Variants in ATP10D observed in about 807,000 individuals in gnomAD.
ATP10D encodes the protein phospholipid-transporting ATPase VD.
A neutral mutation model predicts 144.8 loss-of-function variants in ATP10D; 89 were observed. That is an observed-to-expected ratio of 0.61 (90% CI 0.52 to 0.73). ATP10D has a LOEUF of 0.73. Among genes scored for constraint, ATP10D ranks in the 30% least tolerant of loss-of-function variants. The pLI, the probability that ATP10D is intolerant of heterozygous loss-of-function variation, is 0.00. For synonymous variants in ATP10D, 571 were observed against 615.1 expected (o/e 0.93, Z 1.06); for missense variants, 1,603 against 1,714.8 (o/e 0.93, Z 1.15).
At chr4:47,587,282 C>A (rs2351790) in intron 22 of ATP10D, 76 bp downstream of exon 22, 632,744 of 1,342,026 alleles carry the variant, frequency 0.47, 154,430 homozygotes, top group African/African-American at 0.71. Flanking sequence ...TACACTACTA[C>A]GAATGGTTGG....
At chr4:47,529,429 G>A (rs1365969089) in intron 5 of ATP10D, among the ~76,000 whole-genome samples, 1 of 152,098 alleles carries the variant, frequency 6.6e-6, no homozygotes, top group Non-Finnish European at 1.5e-5. Flanking sequence ...TGTCAACTTT[G>A]TCAAATATCA....
intron 1 of ATP10D, among the ~76,000 whole-genome samples, chr4:47,488,770 G>A (rs1714913722): frequency 6.6e-6 from 1 of 152,146 alleles, no homozygotes; most frequent in African/African-American, 2.4e-5. Context: ...CCCAGTGTGA[G>A]GGTAGTAGGA....
chr4:47,566,017 C>T (rs1047090646), intron 15 of ATP10D, among the ~76,000 whole-genome samples: 1 of 152,174 alleles, frequency 6.6e-6, no homozygotes, highest in Non-Finnish European at 1.5e-5. Flanking sequence ...GTATTTAACT[C>T]TTTTCTTTCC....
At chr4:47,574,299 G>C (rs1001172429) in intron 18 of ATP10D, among the ~76,000 whole-genome samples, 6 of 152,310 alleles carry the variant, frequency 3.9e-5, no homozygotes, top group Non-Finnish European at 7.4e-5. Flanking sequence ...GGACCTCGGT[G>C]ATCTTCCTGC....
chr4:47,536,682 T>A lies in ATP10D; in HGVS notation c.1144-4T>A. 6.2e-7 allele frequency: 1 copy of A among 1,605,258 alleles called. No individual in the cohort carries two copies. The highest frequency in any genetic ancestry group is 2.2e-5 in the East Asian group (1 of 44,808). The stretch of plus-strand genomic sequence containing the variant: ...CATTTTAAAACTTGTTTGGATCTTC[T>A]TAGGTCTTGATTCCTATTTCTCTCT... On this transcript the variant is annotated splice_polypyrimidine_tract_variant and splice_region_variant and intron_variant, in intron 8 of 22. Transcript: ENST00000273859.
chr4:47,586,935 C>T (rs1052598418), intron 21 of ATP10D, 84 bp from the exon 22 acceptor site: 1 of 1,243,000 alleles, frequency 8.0e-7, no homozygotes, highest in African/African-American at 1.5e-5. Flanking sequence ...GATGTGTTGT[C>T]TCTTTAATGG....
chr4:47,564,333 T>C (rs887784073), intron 15 of ATP10D, among the ~76,000 whole-genome samples: 3 of 150,092 alleles, frequency 2.0e-5, no homozygotes, highest in Non-Finnish European at 3.0e-5. Context: ...AGAAGAAAGT[T>C]TTTTTTTTTT....
At position 47,558,264 on chromosome 4, in the gene ATP10D, G is replaced by A. The variant is rs1438529223; in HGVS notation, c.2425G>A (p.Ala809Thr). 1.9e-6 allele frequency: 3 copies of A among 1,611,872 alleles called. No individual in the cohort carries two copies. The highest frequency in any genetic ancestry group is 2.7e-5 in the African/African-American group (2 of 74,996). ...DSVIMELLSV[A>T]SPDGASLEKQ... ...TGTGATCATGGAGTTACTGTCGGTG[G>A]CTTCCCCAGGTAAGTTTATACAAAA... Residue 809 changes from alanine (A) to threonine (T), a missense_variant, in exon 12 of 23, where the codon GCT becomes ACT. By Grantham distance (58) the Ala-to-Thr change is moderately conservative. Transcript: ENST00000273859.
intron 21 of ATP10D, among the ~76,000 whole-genome samples, chr4:47,586,103 A>G (rs1720778279): frequency 6.6e-6 from 1 of 152,212 alleles, no homozygotes; most frequent in East Asian, 1.9e-4. Context: ...ACTAACTTAC[A>G]TTCCCACTAA....
At chr4:47,538,692 G>T (rs184374942) in intron 9 of ATP10D, among the ~76,000 whole-genome samples, 1 of 152,062 alleles carries the variant, frequency 6.6e-6, no homozygotes, top group Non-Finnish European at 1.5e-5. Context: ...CTGGTATTTC[G>T]CAGAATTCAG....
intron 7 of ATP10D, 125 bp from the exon 8 acceptor site, chr4:47,536,312 C>T (rs1717843291): frequency 3.9e-6 from 5 of 1,284,920 alleles, no homozygotes; most frequent in Admixed American, 2.3e-5. Flanking sequence ...AATTTTGTTT[C>T]CAAAAACAAA....
intron 20 of ATP10D, 95 bp downstream of exon 20, chr4:47,580,573 GC>G (rs1720461495): frequency 9.2e-7 from 1 of 1,084,286 alleles, no homozygotes. Context: ...AGGGCAGATT[GC>G]TCATATAATC....
chr4:47,485,978 G>A (rs1002957440), intron 1 of ATP10D, among the ~76,000 whole-genome samples: 1 of 152,116 alleles, frequency 6.6e-6, no homozygotes, highest in African/African-American at 2.4e-5. Context: ...AAAAGGGAAG[G>A]TGTTGAAGAT....
Position 47,533,660 on chromosome 4 carries a change from C to T in ATP10D, c.777-1849C>T, listed in dbSNP as rs897636886. Among the ~76,000 whole-genome samples the T allele has an allele frequency of 5.3e-5, 8 of 152,246 alleles. No individual in the cohort carries two copies. In the South Asian group the frequency reaches 1.7e-3, roughly 32 times the overall value. On this transcript the variant is annotated intron_variant, in intron 5 of 22. Coordinates refer to ENST00000273859, the MANE Select transcript of ATP10D (RefSeq NM_020453.4). ...ATATGTGAAAACCATTACTGTTGCT[C>T]TGTATTTTTGCCACTGTAGCAATTT...
At chr4:47,587,720 A>G (rs879545402) in intron 22 of ATP10D, among the ~76,000 whole-genome samples, 1 of 152,062 alleles carries the variant, frequency 6.6e-6, no homozygotes, top group Non-Finnish European at 1.5e-5. Context: ...AGGGGATCAA[A>G]CTCGCCCTCT....
At chr4:47,555,188 G>A (rs1718918741) in intron 11 of ATP10D, among the ~76,000 whole-genome samples, 1 of 152,188 alleles carries the variant, frequency 6.6e-6, no homozygotes, top group African/African-American at 2.4e-5. Context: ...ATTACTGCCT[G>A]AGCCCCGCCT....
chr4:47,500,005 C>T (rs1233138590), intron 1 of ATP10D, among the ~76,000 whole-genome samples: 1 of 152,142 alleles, frequency 6.6e-6, no homozygotes, highest in African/African-American at 2.4e-5. Flanking sequence ...CCATGAAATG[C>T]CTGTTATTAT....
chr4:47,563,876 T>G (rs1719456868), intron 15 of ATP10D, 111 bp downstream of exon 15: 1 of 1,088,874 alleles, frequency 9.2e-7, no homozygotes, highest in Non-Finnish European at 1.3e-6. Flanking sequence ...ACCGTTAGCT[T>G]TTTTTGTTGT....
At chr4:47,504,357 A>T (rs1715894753) in intron 1 of ATP10D, among the ~76,000 whole-genome samples, 1 of 152,192 alleles carries the variant, frequency 6.6e-6, no homozygotes, top group Non-Finnish European at 1.5e-5. Flanking sequence ...TGGGGCAGCA[A>T]AGAAACCACC....
Sources: gnomAD v4.1 joint callset for allele counts (sites outside exome capture counted in the v4.1 genomes callset) on GRCh38, gnomAD v4.1.1 for gene constraint, MANE v1.5 for transcripts, NCBI Gene and HGNC (gene_info 2026-07-23, HGNC 2026-07-21) for gene names.